Variants in GRID1 observed in about 807,000 individuals in gnomAD.
GRID1 encodes glutamate ionotropic receptor delta type subunit 1, also known as glutamate receptor ionotropic, delta-1.
GRID1 carries 28 observed loss-of-function variants against 98.0 expected under a neutral mutation model. That is an observed-to-expected ratio of 0.29 (90% CI 0.21 to 0.39). GRID1 has a LOEUF of 0.39. GRID1 is among the 10% of genes least tolerant of loss of function. GRID1 has a pLI of 1.00. For missense variants in GRID1, 1,111 were observed against 1,340.5 expected (o/e 0.83, Z 2.67); for synonymous variants, 553 against 538.5 (o/e 1.03, Z -0.37).
At chr10:85,752,967 C>A (rs1188772814) in intron 8 of GRID1, among the ~76,000 whole-genome samples, 1 of 152,164 alleles carries the variant, frequency 6.6e-6, no homozygotes, top group Non-Finnish European at 1.5e-5. Context: ...GGCATTCTGG[C>A]AAACCATCTG....
intron 8 of GRID1, among the ~76,000 whole-genome samples, chr10:85,821,232 A>G (rs1183190779): frequency 6.6e-6 from 1 of 151,956 alleles, no homozygotes; most frequent in Non-Finnish European, 1.5e-5. Flanking sequence ...CAGAAAACAG[A>G]TCAGGCTGGG....
At chr10:85,769,522 C>A (rs575740302) in intron 8 of GRID1, among the ~76,000 whole-genome samples, 22 of 152,218 alleles carry the variant, frequency 1.4e-4, no homozygotes, top group Non-Finnish European at 2.8e-4. Flanking sequence ...CAGGGCGAGG[C>A]ATTGCCTCAC....
chr10:85,978,534 T>C (rs1034578215), intron 4 of GRID1, among the ~76,000 whole-genome samples: 4 of 152,186 alleles, frequency 2.6e-5, no homozygotes, highest in African/African-American at 9.6e-5. Flanking sequence ...CTGATCACAT[T>C]ACCAGGAAGG....
chr10:85,755,367 C>A (rs1842086662), intron 8 of GRID1, among the ~76,000 whole-genome samples: 1 of 152,198 alleles, frequency 6.6e-6, no homozygotes, highest in African/African-American at 2.4e-5. Context: ...GATGACTTGG[C>A]CTTTCTCTCC....
At chr10:85,806,434 C>A (rs78267185) in intron 8 of GRID1, among the ~76,000 whole-genome samples, 2 of 152,064 alleles carry the variant, frequency 1.3e-5, no homozygotes, top group Non-Finnish European at 2.9e-5. Context: ...TATGGCTAGA[C>A]ATTTATCATA....
chr10:85,679,362 G>A (rs906145830), intron 12 of GRID1, among the ~76,000 whole-genome samples: 10 of 152,188 alleles, frequency 6.6e-5, no homozygotes, highest in African/African-American at 2.4e-4. Flanking sequence ...TATCCAGTAG[G>A]AATTCACTAA....
At chr10:86,033,283 T>C (rs1843211704) in intron 4 of GRID1, among the ~76,000 whole-genome samples, 1 of 152,160 alleles carries the variant, frequency 6.6e-6, no homozygotes, top group African/African-American at 2.4e-5. Context: ...ATGATCTAAT[T>C]ATCATCATCA....
chr10:85,851,180 T>A (rs1279417088), intron 8 of GRID1, among the ~76,000 whole-genome samples: 1 of 151,984 alleles, frequency 6.6e-6, no homozygotes, highest in African/African-American at 2.4e-5. Flanking sequence ...GAAAAAAACA[T>A]GACACCAACA....
chr10:85,898,261 A>T (rs536006829), intron 5 of GRID1, among the ~76,000 whole-genome samples: 17 of 152,338 alleles, frequency 1.1e-4, no homozygotes, highest in African/African-American at 3.6e-4. Flanking sequence ...ACTGTATAGG[A>T]CACTTACGAT....
chr10:86,141,871 G>A (rs1370547397), intron 3 of GRID1, among the ~76,000 whole-genome samples: 1 of 152,184 alleles, frequency 6.6e-6, no homozygotes, highest in African/African-American at 2.4e-5. Context: ...CCTAAATATG[G>A]GAGACTGGCT....
chr10:86,033,567 G>T (rs1843215498), intron 4 of GRID1, among the ~76,000 whole-genome samples: 1 of 152,232 alleles, frequency 6.6e-6, no homozygotes, highest in Admixed American at 6.5e-5. Flanking sequence ...AGTCTTGCCT[G>T]CAGAAGTGTG....
At position 85,602,557 on chromosome 10, in the gene GRID1, G is replaced by T; in HGVS notation, c.2746C>A (p.Pro916Thr). 1 of 1,614,104 alleles carries T rather than the reference G, an allele frequency of 6.2e-7. No homozygotes were observed. The highest frequency in any genetic ancestry group is 2.2e-5 in the East Asian group (1 of 44,862). ...GGLAPTQTLE[P>T]TREYQNTQLS... ...TGGGTGTTCTGGTACTCCCGTGTCGGCTCCAAGGTCTGGGTGGGAGCCAGG... is the reference window on the plus strand; with the variant it reads ...TGGGTGTTCTGGTACTCCCGTGTCGTCTCCAAGGTCTGGGTGGGAGCCAGG... Residue 916 changes from proline (P) to threonine (T), a missense_variant, in exon 16 of 16, where the codon CCG becomes ACG. Physicochemically the swap from Pro to Thr is conservative, Grantham distance 38. This residue lies in a region of GRID1 where 762 missense variants were observed against 869.1 expected (regional missense o/e 0.88). Transcript: ENST00000327946.
chr10:85,688,228 G>T (rs1396125933), intron 12 of GRID1, among the ~76,000 whole-genome samples: 1 of 152,222 alleles, frequency 6.6e-6, no homozygotes, highest in Non-Finnish European at 1.5e-5. Context: ...GGCAGGCAAG[G>T]CTGTCACATC....
intron 4 of GRID1, among the ~76,000 whole-genome samples, chr10:85,941,350 C>T (rs1174770642): frequency 6.6e-6 from 1 of 152,038 alleles, no homozygotes; most frequent in Non-Finnish European, 1.5e-5. Flanking sequence ...TATAGGATGA[C>T]ACACAAAAAC....
chr10:86,032,210 G>GGGCAGCCCCCGCCC (rs1843195289), intron 4 of GRID1, among the ~76,000 whole-genome samples: 1 of 152,096 alleles, frequency 6.6e-6, no homozygotes, highest in African/African-American at 2.4e-5. Context: ...GGAGGTGGGG[G>GGGCAGCCCCCGCCC]GGCAGCCCCC....
intron 4 of GRID1, among the ~76,000 whole-genome samples, chr10:86,022,502 C>T (rs890067952): frequency 6.6e-6 from 1 of 151,930 alleles, no homozygotes; most frequent in African/African-American, 2.4e-5. Flanking sequence ...CCCCAAACCC[C>T]AAAGTCAGTT....
chr10:86,230,265 A>G (rs1400280497), intron 2 of GRID1, among the ~76,000 whole-genome samples: 1 of 152,052 alleles, frequency 6.6e-6, no homozygotes, highest in Admixed American at 6.5e-5. Context: ...GGGCAATCAT[A>G]TCAAGAACTA....
intron 13 of GRID1, among the ~76,000 whole-genome samples, chr10:85,636,165 G>T (rs546800009): frequency 1.3e-5 from 2 of 152,308 alleles, no homozygotes; most frequent in South Asian, 4.1e-4. Context: ...TAAGGCCCCA[G>T]TGGAGGAAAG....
chr10:86,046,266 T>C (rs540518344), intron 4 of GRID1, among the ~76,000 whole-genome samples: 2 of 152,334 alleles, frequency 1.3e-5, no homozygotes, highest in South Asian at 2.1e-4. Flanking sequence ...ACTCCCGAAC[T>C]GCTCTGAGCT....
Sources: gnomAD v4.1 joint callset for allele counts (sites outside exome capture counted in the v4.1 genomes callset) on GRCh38, gnomAD v4.1.1 for gene constraint, gnomAD v4.1.1 regional missense constraint, MANE v1.5 for transcripts, NCBI Gene and HGNC (gene_info 2026-07-23, HGNC 2026-07-21) for gene names.